Variants in OPRM1 observed in about 807,000 individuals in gnomAD.
The protein encoded by OPRM1 is mu-type opioid receptor.
OPRM1 carries 27 observed loss-of-function variants against 31.8 expected under a neutral mutation model. The ratio of observed to expected loss-of-function variants is 0.85; its 90% CI spans 0.63 to 1.17. The LOEUF is 1.17. OPRM1 is among the 50% of genes most tolerant of loss of function. OPRM1 has a pLI of 0.00. For missense variants in OPRM1, 536 were observed against 511.1 expected (o/e 1.05, Z -0.47); for synonymous variants, 196 against 189.9 (o/e 1.03, Z -0.26).
chr6:154,105,450 T>G (rs1001431736), intron 3 of OPRM1, among the ~76,000 whole-genome samples: 8 of 152,218 alleles, frequency 5.3e-5, no homozygotes, highest in African/African-American at 1.9e-4. Flanking sequence ...CTGAAAGTTG[T>G]TTCCTCTATT....
chr6:154,029,312 G>A (rs1778876044), intron 1 of OPRM1, among the ~76,000 whole-genome samples: 1 of 152,010 alleles, frequency 6.6e-6, no homozygotes, highest in Admixed American at 6.6e-5. Flanking sequence ...ATGAATAAAT[G>A]AAAGCAATCT....
chr6:154,109,790 CTCTGTG>C (rs756452974), intron 3 of OPRM1, among the ~76,000 whole-genome samples: 4,361 of 76,534 alleles, frequency 0.057, 80 homozygotes, highest in Middle Eastern at 0.13. Flanking sequence ...CTCTCTCTCT[CTCTGTG>C]TGTGTGTGTG....
At chr6:154,177,447 A>T (rs991700775) in intron 3 of OPRM1, among the ~76,000 whole-genome samples, 2 of 152,224 alleles carry the variant, frequency 1.3e-5, no homozygotes, top group African/African-American at 4.8e-5. Context: ...TATAAGAAAA[A>T]AACAAACAAC....
chr6:154,030,248 A>G (rs895162883), intron 1 of OPRM1, among the ~76,000 whole-genome samples: 4 of 152,190 alleles, frequency 2.6e-5, no homozygotes, highest in East Asian at 1.9e-4. Flanking sequence ...TTTATGAAGA[A>G]GGGTAAATCC....
chr6:154,164,852 T>C (rs1471370980), intron 3 of OPRM1, among the ~76,000 whole-genome samples: 1 of 152,200 alleles, frequency 6.6e-6, no homozygotes, highest in Non-Finnish European at 1.5e-5. Flanking sequence ...CTGTTAGAAA[T>C]TCCTAAATAT....
At chr6:154,141,411 G>T (rs1212007046) in intron 3 of OPRM1, among the ~76,000 whole-genome samples, 1 of 152,180 alleles carries the variant, frequency 6.6e-6, no homozygotes, top group Admixed American at 6.5e-5. Context: ...AGGCCTTGAT[G>T]GGGGTGGGGC....
Position 154,121,843 on chromosome 6 carries a change from T to C in OPRM1, c.*3122T>C, listed in dbSNP as rs2128527100. Among the ~76,000 whole-genome samples the C allele has an allele frequency of 6.6e-6, 1 of 152,328 alleles. No homozygotes were observed. Among genetic ancestry groups the C allele is most frequent in the East Asian group, 1.9e-4 (1 of 5,194 alleles). Reference sequence around the variant, plus strand: ...TCTTTACTTAAGTCAAGTCTATTTATACGTTTAAAAGCTAAAAACAAGATC... The same window carrying C: ...TCTTTACTTAAGTCAAGTCTATTTACACGTTTAAAAGCTAAAAACAAGATC... On this transcript the variant is annotated 3_prime_UTR_variant, in exon 4 of 4. Coordinates refer to ENST00000330432, the MANE Select transcript of OPRM1 (RefSeq NM_000914.5).
chr6:154,048,402 C>T (rs1781568036), intron 1 of OPRM1, among the ~76,000 whole-genome samples: 2 of 152,272 alleles, frequency 1.3e-5, no homozygotes, highest in East Asian at 3.9e-4. Flanking sequence ...CTCCAAAGTA[C>T]TCCTACAACC....
chr6:154,223,178 CT>C, intron 3 of OPRM1: 1 of 1,613,428 alleles, frequency 6.2e-7, no homozygotes, highest in Non-Finnish European at 8.5e-7. Flanking sequence ...ACTGCTTTTT[CT>C]TGCATTCAGA....
intron 3 of OPRM1, among the ~76,000 whole-genome samples, chr6:154,143,778 G>T (rs1244926861): frequency 1.3e-5 from 2 of 151,988 alleles, no homozygotes; most frequent in East Asian, 3.9e-4. Context: ...CTGGAAAAAT[G>T]GAGTAGATAT....
intron 1 of OPRM1, among the ~76,000 whole-genome samples, chr6:154,064,373 T>C (rs1784956625): frequency 6.6e-6 from 1 of 152,198 alleles, no homozygotes; most frequent in Admixed American, 6.5e-5. Context: ...GAGTTCTCTA[T>C]ATGTTCTGGA....
At chr6:154,214,448 C>T in intron 3 of OPRM1, 1 of 630,642 alleles carries the variant, frequency 1.6e-6, no homozygotes, top group South Asian at 1.9e-5. Flanking sequence ...TTTCACAATA[C>T]TTTCCATACT....
Position 154,242,635 on chromosome 6 carries a change from C to T in OPRM1, c.1165-4058C>T, listed in dbSNP as rs369607801. Among the ~76,000 whole-genome samples, 57 of 152,132 alleles carry T rather than the reference C, an allele frequency of 3.7e-4. No homozygotes were observed. The South Asian group carries it at 0.012, about 32-fold the overall frequency. ...AGTGCGGTGGCTCACATCTGTAATC[C>T]CAGCACTTTGGGAGGCCAAGGCAGG... is the stretch of plus-strand genomic sequence containing the variant. On this transcript the variant is annotated intron_variant, in intron 3 of 3. Transcript: ENST00000337049.
At chr6:154,212,643 C>T (rs1022199356) in intron 3 of OPRM1, 11 of 639,906 alleles carry the variant, frequency 1.7e-5, no homozygotes, top group African/African-American at 7.3e-5. Flanking sequence ...TGCACTTGCT[C>T]GTTGGCAGGT....
intron 3 of OPRM1, among the ~76,000 whole-genome samples, chr6:154,181,816 C>A (rs1001185785): frequency 3.3e-5 from 5 of 152,282 alleles, no homozygotes; most frequent in Admixed American, 6.5e-5. Flanking sequence ...TTCTTGGGGA[C>A]TTGAACTGGA....
intron 1 of OPRM1, among the ~76,000 whole-genome samples, chr6:154,057,844 C>T (rs962839956): frequency 2.0e-5 from 3 of 152,132 alleles, no homozygotes; most frequent in African/African-American, 7.2e-5. Context: ...CACACGAAGA[C>T]AGGCAAGAGA....
At chr6:154,012,088 T>C (rs1274344133) in intron 1 of OPRM1, among the ~76,000 whole-genome samples, 1 of 152,144 alleles carries the variant, frequency 6.6e-6, no homozygotes, top group African/African-American at 2.4e-5. Flanking sequence ...TTACAATCAT[T>C]GTTGCTTCAG....
chr6:154,200,444 G>T (rs1358700085), intron 3 of OPRM1, among the ~76,000 whole-genome samples: 2 of 152,214 alleles, frequency 1.3e-5, no homozygotes, highest in Admixed American at 1.3e-4. Flanking sequence ...GGAGAGGCTG[G>T]GTGCGATGGC....
At chr6:154,017,301 C>T (rs75903946) in intron 1 of OPRM1, among the ~76,000 whole-genome samples, 1 of 152,070 alleles carries the variant, frequency 6.6e-6, no homozygotes, top group African/African-American at 2.4e-5. Flanking sequence ...AATGCATGGG[C>T]GAGTATTGAT....
Sources: allele counts gnomAD v4.1 joint callset (sites outside exome capture counted in the v4.1 genomes callset), GRCh38; gene constraint gnomAD v4.1.1; transcripts MANE v1.5; gene names NCBI Gene and HGNC (gene_info 2026-07-23, HGNC 2026-07-21).